Variants in KCNIP4 observed in about 807,000 individuals in gnomAD.
KCNIP4 encodes the protein potassium voltage-gated channel interacting protein 4.
In KCNIP4, 12 loss-of-function variants were observed where a neutral mutation model predicts 34.0. That is an observed-to-expected ratio of 0.35 (90% CI 0.23 to 0.57). The LOEUF (loss-of-function observed/expected upper bound fraction) is 0.57, where lower values mean the gene tolerates loss of function less well. KCNIP4 is among the 20% of genes least tolerant of loss of function. KCNIP4 has a pLI of 0.83. For missense variants in KCNIP4, 238 were observed against 311.7 expected, an observed-to-expected ratio of 0.76 and a Z score of 1.78; for synonymous variants, 124 against 102.2, an observed-to-expected ratio of 1.21 and a Z score of -1.29.
At chr4:21,925,174 G>T (rs926713290) in intron 1 of KCNIP4, among the ~76,000 whole-genome samples, 31 of 151,800 alleles carry the variant, frequency 2.0e-4, no homozygotes, top group Middle Eastern at 3.2e-3. Context: ...ATGTTAGTGT[G>T]CTGCACCCAT....
chr4:21,569,101 C>T lies in KCNIP4; in HGVS notation c.61+379470G>A, dbSNP rs1695331234. Reference sequence around the variant, plus strand: ...CTCCAAACCTGTGAGACAATATATTCCTATTGTTTAAGCCACCCACTCAAT... The same window carrying T: ...CTCCAAACCTGTGAGACAATATATTTCTATTGTTTAAGCCACCCACTCAAT... On this transcript the variant is annotated intron_variant, in intron 1 of 8. Transcript: ENST00000382152. Among the ~76,000 whole-genome samples, 2 of 151,596 alleles carry T rather than the reference C, an allele frequency of 1.3e-5. 1 individual carries two copies.
intron 1 of KCNIP4, among the ~76,000 whole-genome samples, chr4:21,615,006 G>A (rs183021108): frequency 2.0e-4 from 30 of 152,242 alleles, no homozygotes; most frequent in African/African-American, 6.3e-4. Flanking sequence ...GGATCAGACT[G>A]TCTTTTTCTG....
intron 1 of KCNIP4, among the ~76,000 whole-genome samples, chr4:21,172,689 A>G (rs1462767148): frequency 6.6e-6 from 1 of 152,156 alleles, no homozygotes; most frequent in Non-Finnish European, 1.5e-5. Flanking sequence ...GGATGGTAAA[A>G]CATAATGGCA....
At chr4:21,339,923 C>T (rs1302757135) in intron 1 of KCNIP4, among the ~76,000 whole-genome samples, 4 of 152,078 alleles carry the variant, frequency 2.6e-5, no homozygotes, top group Non-Finnish European at 4.4e-5. Context: ...CTACAGTTTC[C>T]TCTACTCTTG....
intron 1 of KCNIP4, among the ~76,000 whole-genome samples, chr4:21,892,423 T>TGTGTATG (rs1727150923): frequency 6.6e-6 from 1 of 151,456 alleles, no homozygotes; most frequent in African/African-American, 2.4e-5. Flanking sequence ...AATAGGGAAG[T>TGTGTATG]TTTTGTGGTG....
At chr4:21,444,755 A>G (rs1183013518) in intron 1 of KCNIP4, among the ~76,000 whole-genome samples, 1 of 152,196 alleles carries the variant, frequency 6.6e-6, no homozygotes, top group Admixed American at 6.5e-5. Flanking sequence ...TATTCAACAC[A>G]GTGTTGGAAG....
chr4:20,950,420 A>G (rs1732659805), intron 1 of KCNIP4, among the ~76,000 whole-genome samples: 1 of 152,044 alleles, frequency 6.6e-6, no homozygotes, highest in African/African-American at 2.4e-5. Context: ...CATTCTGTCC[A>G]CTTTTCCTGG....
chr4:21,633,953 G>A (rs114548911), intron 1 of KCNIP4, among the ~76,000 whole-genome samples: 5,375 of 151,906 alleles, frequency 0.035, 307 homozygotes, highest in African/African-American at 0.12. Flanking sequence ...ATCTGCTTCT[G>A]GATTTAGTCT....
At chr4:21,508,762 G>T (rs1034919063) in intron 1 of KCNIP4, among the ~76,000 whole-genome samples, 7 of 149,964 alleles carry the variant, frequency 4.7e-5, no homozygotes, top group African/African-American at 1.3e-4. Flanking sequence ...TTAGCAAGGG[G>T]ATGAAAACTA....
intron 1 of KCNIP4, among the ~76,000 whole-genome samples, chr4:21,441,234 C>T (rs1344020524): frequency 6.6e-6 from 1 of 151,796 alleles, no homozygotes; most frequent in South Asian, 2.1e-4. Flanking sequence ...CTTCACCTCC[C>T]GGCTTCATGC....
At chr4:21,374,756 T>C (rs1720817302) in intron 1 of KCNIP4, among the ~76,000 whole-genome samples, 1 of 147,216 alleles carries the variant, frequency 6.8e-6, no homozygotes, top group Non-Finnish European at 1.5e-5. Context: ...ACATTCCCCA[T>C]GAACTACACT....
chr4:20,824,252 A>T (rs1019502621), intron 3 of KCNIP4, among the ~76,000 whole-genome samples: 1 of 152,240 alleles, frequency 6.6e-6, no homozygotes, highest in South Asian at 2.1e-4. Flanking sequence ...CTTTTTGCTC[A>T]TCACAATGGG....
chr4:20,869,104 T>C (rs1454025542), intron 2 of KCNIP4, among the ~76,000 whole-genome samples: 3 of 152,168 alleles, frequency 2.0e-5, no homozygotes, highest in Admixed American at 2.0e-4. Context: ...TGGAATTGAT[T>C]ACCTAGTGAG....
At chr4:21,357,731 T>C (rs1439637829) in intron 1 of KCNIP4, among the ~76,000 whole-genome samples, 1 of 152,116 alleles carries the variant, frequency 6.6e-6, no homozygotes, top group Non-Finnish European at 1.5e-5. Flanking sequence ...GGAGTTTAAA[T>C]TAGTTCAACC....
chr4:20,862,601 GA>G (rs777516328), intron 2 of KCNIP4, among the ~76,000 whole-genome samples: 3 of 152,192 alleles, frequency 2.0e-5, no homozygotes, highest in Admixed American at 6.5e-5. Context: ...CCTATCAAAG[GA>G]GTGCCTCAAA....
At chr4:20,790,470 C>A (rs988670996) in intron 3 of KCNIP4, among the ~76,000 whole-genome samples, 1 of 152,098 alleles carries the variant, frequency 6.6e-6, no homozygotes, top group East Asian at 1.9e-4. Context: ...CATTTAAACT[C>A]TTGTAATAAC....
intron 1 of KCNIP4, among the ~76,000 whole-genome samples, chr4:21,216,359 A>G (rs1757576934): frequency 6.6e-6 from 1 of 152,186 alleles, no homozygotes; most frequent in Non-Finnish European, 1.5e-5. Context: ...AATTTTTAAA[A>G]CGTAGTTTAA....
At chr4:21,582,572 T>C (rs775395527) in intron 1 of KCNIP4, among the ~76,000 whole-genome samples, 2 of 152,014 alleles carry the variant, frequency 1.3e-5, no homozygotes, top group Admixed American at 6.6e-5. Flanking sequence ...GAAAGTATTA[T>C]GCACAAAAAA....
At chr4:20,766,036 A>T (rs1755371515) in intron 3 of KCNIP4, among the ~76,000 whole-genome samples, 1 of 152,102 alleles carries the variant, frequency 6.6e-6, no homozygotes, top group South Asian at 2.1e-4. Context: ...ATAATTATTA[A>T]TGTGATGATG....
Sources: allele counts gnomAD v4.1 joint callset (sites outside exome capture counted in the v4.1 genomes callset), GRCh38; gene constraint gnomAD v4.1.1; transcripts MANE v1.5; gene names NCBI Gene and HGNC (gene_info 2026-07-23, HGNC 2026-07-21).